SH3RF2: variants seen among roughly 807,000 people sequenced by gnomAD.
SH3RF2 encodes E3 ubiquitin-protein ligase SH3RF2.
Under a neutral mutation model 59.0 loss-of-function variants are expected in SH3RF2, and 43 were observed. That is an observed-to-expected ratio of 0.73 (90% confidence interval 0.57 to 0.94). SH3RF2 has a LOEUF of 0.94. Ranked by LOEUF, SH3RF2 falls within the 40% of genes least tolerant of loss-of-function variation. The pLI is 0.00. For missense variants in SH3RF2, 930 were observed against 940.1 expected (o/e 0.99, Z 0.14); for synonymous variants, 391 against 391.5 (o/e 1.00, Z 0.01).
downstream of SH3RF2, among the ~76,000 whole-genome samples, chr5:146,066,412 T>C (rs1232131609): frequency 6.6e-6 from 1 of 152,184 alleles, no homozygotes; most frequent in Non-Finnish European, 1.5e-5. Context: ...AATGGGCTAT[T>C]ATGAGGATTA....
intron 4 of SH3RF2, among the ~76,000 whole-genome samples, chr5:146,005,505 G>A (rs1279976197): frequency 6.6e-6 from 1 of 152,148 alleles, no homozygotes; most frequent in Non-Finnish European, 1.5e-5. Flanking sequence ...TGTACCCAGA[G>A]CATTGCACAG....
At chr5:146,057,926 G>GTCTCTCTCTCTCTCTC in intron 8 of SH3RF2, among the ~76,000 whole-genome samples, 1 of 136,996 alleles carries the variant, frequency 7.3e-6, no homozygotes. Context: ...TGGGCTGTTA[G>GTCTCTCTCTCTCTCTC]TGTCTCTCTC....
chr5:145,998,750 A>C (rs1368048979), intron 2 of SH3RF2, among the ~76,000 whole-genome samples: 1 of 152,198 alleles, frequency 6.6e-6, no homozygotes, highest in Admixed American at 6.5e-5. Context: ...GTCTCCACCA[A>C]AAATACAAAA....
intron 4 of SH3RF2, among the ~76,000 whole-genome samples, chr5:146,010,957 G>T (rs1760864578): frequency 6.6e-6 from 1 of 152,026 alleles, no homozygotes; most frequent in Non-Finnish European, 1.5e-5. Flanking sequence ...CCTTGCCCAT[G>T]CCGATGTCCT....
At chr5:145,982,376 G>A (rs1235141632) in intron 2 of SH3RF2, among the ~76,000 whole-genome samples, 2 of 152,166 alleles carry the variant, frequency 1.3e-5, no homozygotes, top group Non-Finnish European at 2.9e-5. Context: ...CACCAAACAG[G>A]TTTCTCAGCT....
chr5:145,999,539 T>A (rs1313070195), intron 2 of SH3RF2, among the ~76,000 whole-genome samples: 4 of 152,170 alleles, frequency 2.6e-5, no homozygotes, highest in Non-Finnish European at 4.4e-5. Flanking sequence ...GATGTGAAAC[T>A]CTTCCTTTCA....
chr5:145,952,243 CT>C (rs762397576), intron 2 of SH3RF2, among the ~76,000 whole-genome samples: 11 of 152,112 alleles, frequency 7.2e-5, no homozygotes, highest in Non-Finnish European at 1.5e-4. Flanking sequence ...CCTAAAACAT[CT>C]CTAAAGTATC....
intron 2 of SH3RF2, among the ~76,000 whole-genome samples, chr5:145,996,267 C>G (rs1760143535): frequency 6.6e-6 from 1 of 152,172 alleles, no homozygotes; most frequent in South Asian, 2.1e-4. Context: ...AGATTATGAA[C>G]AGCAAGACTG....
At chr5:146,020,077 T>C (rs1761256526) in intron 5 of SH3RF2, among the ~76,000 whole-genome samples, 1 of 152,184 alleles carries the variant, frequency 6.6e-6, no homozygotes, top group South Asian at 2.1e-4. Context: ...CTTTTCTAAT[T>C]TGGATGCCCT....
chr5:146,033,322 T>A (rs1308658743), intron 5 of SH3RF2, among the ~76,000 whole-genome samples: 1 of 152,134 alleles, frequency 6.6e-6, no homozygotes, highest in Non-Finnish European at 1.5e-5. Flanking sequence ...CTTTTCAACC[T>A]TTTTTGTCTT....
At chr5:146,058,240 C>A (rs979590317) in intron 8 of SH3RF2, among the ~76,000 whole-genome samples, 1 of 152,124 alleles carries the variant, frequency 6.6e-6, no homozygotes, top group Non-Finnish European at 1.5e-5. Flanking sequence ...ATTTTTCACA[C>A]ATTTACAAGA....
chr5:146,007,040 T>G (rs1432392004), intron 4 of SH3RF2, among the ~76,000 whole-genome samples: 2 of 152,222 alleles, frequency 1.3e-5, no homozygotes, highest in Non-Finnish European at 2.9e-5. Context: ...TAGCCTGATG[T>G]GATGTCAAGT....
At chr5:145,940,744 A>G (rs752982144) in intron 2 of SH3RF2, among the ~76,000 whole-genome samples, 11 of 152,230 alleles carry the variant, frequency 7.2e-5, no homozygotes, top group African/African-American at 9.6e-5. Context: ...CAAGCCACTT[A>G]TGTTTGCTGG....
intron 2 of SH3RF2, among the ~76,000 whole-genome samples, chr5:145,959,304 T>TCAA (rs1561710107): frequency 4.6e-5 from 7 of 152,180 alleles, no homozygotes; most frequent in Non-Finnish European, 8.8e-5. Flanking sequence ...TTGAGACTCC[T>TCAA]GATATGTAAT....
At chr5:145,985,259 CT>C (rs1759656811) in intron 2 of SH3RF2, among the ~76,000 whole-genome samples, 2 of 152,234 alleles carry the variant, frequency 1.3e-5, no homozygotes, top group Non-Finnish European at 2.9e-5. Context: ...TAGGCTTTTT[CT>C]TTTGGTATCA....
intron 2 of SH3RF2, among the ~76,000 whole-genome samples, chr5:145,994,885 A>C (rs977255340): frequency 3.3e-5 from 5 of 152,172 alleles, no homozygotes; most frequent in African/African-American, 1.2e-4. Context: ...AGAAAGAAGC[A>C]CTCAGTAAAG....
chr5:146,030,638 T>G (rs996007270), intron 5 of SH3RF2, among the ~76,000 whole-genome samples: 3 of 152,146 alleles, frequency 2.0e-5, no homozygotes, highest in Admixed American at 1.3e-4. Context: ...TTCATTCATT[T>G]CTTTGAGCTA....
At chr5:146,013,290 T>C (rs1580859366) in intron 4 of SH3RF2, among the ~76,000 whole-genome samples, 1 of 151,968 alleles carries the variant, frequency 6.6e-6, no homozygotes, top group East Asian at 1.9e-4. Context: ...GGATTGCAGT[T>C]TGGAGTGGAA....
intron 4 of SH3RF2, among the ~76,000 whole-genome samples, chr5:146,005,715 A>C (rs2149987462): frequency 6.6e-6 from 1 of 152,308 alleles, no homozygotes; most frequent in South Asian, 2.1e-4. Flanking sequence ...CTTATTTTAT[A>C]AGGCTCAGAT....
Sources: allele counts gnomAD v4.1 joint callset (sites outside exome capture counted in the v4.1 genomes callset), GRCh38; gene constraint gnomAD v4.1.1; transcripts MANE v1.5; gene names NCBI Gene and HGNC (gene_info 2026-07-23, HGNC 2026-07-21).